AGBL1: variants seen among roughly 807,000 people sequenced by gnomAD.
AGBL1 encodes the protein AGBL carboxypeptidase 1, also known as cytosolic carboxypeptidase 4.
In AGBL1, 130 loss-of-function variants were observed where a neutral mutation model predicts 118.9. The observed-to-expected ratio is 1.09, with a 90% CI of 0.95 to 1.26. The LOEUF is 1.26. Ranked by LOEUF, AGBL1 falls within the 50% of genes most tolerant of loss-of-function variation. The pLI, the probability that AGBL1 is intolerant of heterozygous loss-of-function variation, is 0.00. For synonymous variants in AGBL1, 555 were observed against 478.9 expected, an observed-to-expected ratio of 1.16 and a Z score of -2.08; for missense variants, 1,584 against 1,298.1, an observed-to-expected ratio of 1.22 and a Z score of -3.38.
chr15:86,175,506 G>C (rs1023120037), intron 5 of AGBL1, among the ~76,000 whole-genome samples: 11 of 151,538 alleles, frequency 7.3e-5, no homozygotes, highest in Admixed American at 5.9e-4. Context: ...ATTTAGTTCT[G>C]CTCTGATCTT....
At chr15:86,269,494 A>G (rs913049432) in intron 13 of AGBL1, among the ~76,000 whole-genome samples, 2 of 152,356 alleles carry the variant, frequency 1.3e-5, no homozygotes, top group South Asian at 2.1e-4. Context: ...GTGTGCTAAT[A>G]TTTCAAAATA....
At chr15:86,424,433 C>T (rs1055188124) in intron 18 of AGBL1, among the ~76,000 whole-genome samples, 3 of 152,144 alleles carry the variant, frequency 2.0e-5, no homozygotes, top group African/African-American at 7.2e-5. Context: ...ACCATAAAAA[C>T]CCTAGAAGAA....
chr15:86,134,140 A>G (rs1319225302), intron 1 of AGBL1, among the ~76,000 whole-genome samples: 1 of 152,176 alleles, frequency 6.6e-6, no homozygotes, highest in Non-Finnish European at 1.5e-5. Flanking sequence ...GCTGGTCACT[A>G]TTTTTGGTGT....
Position 86,294,119 on chromosome 15 carries a change from G to A in AGBL1, c.2221-1136G>A, listed in dbSNP as rs564516741. On this transcript the variant is annotated intron_variant, in intron 16 of 22. Transcript: ENST00000614907. The stretch of plus-strand genomic sequence containing the variant: ...TTCTTAAAGATTGTTAACCAGGGGC[G>A]GGATGTGGTGGCTCATGGCTGTAAT... Among the ~76,000 whole-genome samples the A allele has an allele frequency of 3.3e-5, 5 of 152,106 alleles. No homozygotes were observed. In the East Asian group the frequency reaches 5.8e-4, roughly 18 times the overall value.
chr15:86,094,505 G>A (rs1896230128), intron 1 of AGBL1, among the ~76,000 whole-genome samples: 1 of 152,094 alleles, frequency 6.6e-6, no homozygotes, highest in African/African-American at 2.4e-5. Flanking sequence ...TTGGGGGAGT[G>A]CCTGGATCTA....
At chr15:86,167,432 G>A (rs1296458490) in intron 5 of AGBL1, among the ~76,000 whole-genome samples, 1 of 152,092 alleles carries the variant, frequency 6.6e-6, no homozygotes, top group Admixed American at 6.6e-5. Context: ...TTTTAGTAGA[G>A]ATGGGGTTTC....
At chr15:86,251,934 G>C (rs2078822568) in intron 7 of AGBL1, among the ~76,000 whole-genome samples, 1 of 152,092 alleles carries the variant, frequency 6.6e-6, no homozygotes, top group Non-Finnish European at 1.5e-5. Context: ...TCAGAGAAAA[G>C]AACCACTCTT....
At chr15:86,304,653 C>T (rs1597708896) in intron 17 of AGBL1, among the ~76,000 whole-genome samples, 1 of 152,284 alleles carries the variant, frequency 6.6e-6, no homozygotes, top group Admixed American at 6.5e-5. Context: ...TTTAACCTCT[C>T]TTGGAAAGTT....
intron 5 of AGBL1, among the ~76,000 whole-genome samples, chr15:86,168,184 T>C (rs566726548): frequency 2.6e-5 from 4 of 152,290 alleles, no homozygotes; most frequent in African/African-American, 9.6e-5. Flanking sequence ...TATTGATACA[T>C]GCACACATTA....
At chr15:86,297,730 C>G (rs1178002065) in intron 17 of AGBL1, among the ~76,000 whole-genome samples, 1 of 152,128 alleles carries the variant, frequency 6.6e-6, no homozygotes, top group Non-Finnish European at 1.5e-5. Flanking sequence ...TTTCAGGACC[C>G]CTTATTTTAC....
At chr15:86,726,941 TC>T (rs2142738220) in intron 22 of AGBL1, among the ~76,000 whole-genome samples, 1 of 152,230 alleles carries the variant, frequency 6.6e-6, no homozygotes, top group African/African-American at 2.4e-5. Flanking sequence ...GGTAGAAACG[TC>T]GTTTTCCTCG....
chr15:86,164,013 A>G (rs529861343), intron 5 of AGBL1, among the ~76,000 whole-genome samples: 2 of 152,336 alleles, frequency 1.3e-5, no homozygotes, highest in African/African-American at 4.8e-5. Flanking sequence ...ACTCATTCTG[A>G]GAGACTGCGA....
chr15:86,823,660 A>C (rs979232521), intron 22 of AGBL1, among the ~76,000 whole-genome samples: 2 of 152,196 alleles, frequency 1.3e-5, no homozygotes, highest in Admixed American at 1.3e-4. Context: ...AATGTATCCT[A>C]AGTAGGTAAG....
chr15:86,274,947 T>C (rs2079222700), intron 15 of AGBL1, among the ~76,000 whole-genome samples: 1 of 152,112 alleles, frequency 6.6e-6, no homozygotes, highest in African/African-American at 2.4e-5. Flanking sequence ...CCTCCTGCTC[T>C]TCCCCACCTT....
intron 21 of AGBL1, among the ~76,000 whole-genome samples, chr15:86,565,712 A>G (rs141339602): frequency 0.012 from 1,841 of 152,318 alleles, 25 homozygotes; most frequent in African/African-American, 0.041. Flanking sequence ...TTGTTTGGCT[A>G]TGCCCTGCCT....
At chr15:86,781,820 TTAAA>T (rs2078340166) in intron 22 of AGBL1, among the ~76,000 whole-genome samples, 1 of 152,110 alleles carries the variant, frequency 6.6e-6, no homozygotes, top group African/African-American at 2.4e-5. Context: ...ATGTATCTTG[TTAAA>T]AGTTGACTAT....
At chr15:86,273,120 CAT>C (rs760778893) in intron 15 of AGBL1, among the ~76,000 whole-genome samples, 27 of 150,442 alleles carry the variant, frequency 1.8e-4, no homozygotes, top group Non-Finnish European at 3.4e-4. Flanking sequence ...ATTGGACAAA[CAT>C]AACATTTCCT....
chr15:86,984,257 T>A (rs2081258214), intron 23 of AGBL1, among the ~76,000 whole-genome samples: 1 of 152,188 alleles, frequency 6.6e-6, no homozygotes, highest in Non-Finnish European at 1.5e-5. Flanking sequence ...TGATGTTGAA[T>A]ATCTTTTTAT....
intron 19 of AGBL1, among the ~76,000 whole-genome samples, chr15:86,528,572 G>C (rs1369198178): frequency 7.1e-6 from 1 of 140,928 alleles, no homozygotes; most frequent in Non-Finnish European, 1.5e-5. Context: ...GGTAAACAAA[G>C]CAGCCGGGAA....
Sources: gnomAD v4.1 joint callset for allele counts (sites outside exome capture counted in the v4.1 genomes callset) on GRCh38, gnomAD v4.1.1 for gene constraint, MANE v1.5 for transcripts, NCBI Gene and HGNC (gene_info 2026-07-23, HGNC 2026-07-21) for gene names.